DIAPH1: variants seen among roughly 807,000 people sequenced by gnomAD.
DIAPH1 encodes the protein diaphanous related formin 1.
A neutral mutation model predicts 140.7 loss-of-function variants in DIAPH1; 46 were observed. The ratio of observed to expected loss-of-function variants is 0.33; its 90% CI spans 0.26 to 0.42. The LOEUF (loss-of-function observed/expected upper bound fraction) is 0.42, where lower values mean the gene tolerates loss of function less well. Ranked by LOEUF, DIAPH1 falls within the 10% of genes least tolerant of loss-of-function variation. The probability of loss-of-function intolerance (pLI) is 1.00; values close to 1 mark genes in which losing one functional copy is unlikely to be tolerated. For missense variants in DIAPH1, 1,310 were observed against 1,558.7 expected, an observed-to-expected ratio of 0.84 and a Z score of 2.69; for synonymous variants, 565 against 551.6, an observed-to-expected ratio of 1.02 and a Z score of -0.34.
rs999583337 is a variant in DIAPH1, at chr5:141,579,172, C to T, written c.849G>A (p.Met283Ile). 3 of 1,614,052 alleles carry T rather than the reference C, an allele frequency of 1.9e-6. No individual in the cohort carries two copies. Among genetic ancestry groups the T allele is most frequent in the African/African-American group, 2.7e-5 (2 of 74,934 alleles). ...EDMNERVLEA[M>I]TERAEMDEVE... ...CTTCATCCATCTCAGCTCTTTCTGTCATTGCCTCCAAAACCCTTTCATTCC... is the reference window on the plus strand; with the variant it reads ...CTTCATCCATCTCAGCTCTTTCTGTTATTGCCTCCAAAACCCTTTCATTCC... The change falls in exon 9 of 28, where the codon ATG becomes ATA. Residue 283 changes from methionine to isoleucine, a missense_variant. Physicochemically the swap from Met to Ile is conservative, Grantham distance 10 (BLOSUM62 1). Coordinates refer to ENST00000389054, the MANE Select transcript of DIAPH1 (RefSeq NM_005219.5).
chr5:141,607,445 C>T (rs1166818389), intron 1 of DIAPH1, among the ~76,000 whole-genome samples: 1 of 152,164 alleles, frequency 6.6e-6, no homozygotes, highest in African/African-American at 2.4e-5. Flanking sequence ...ATCTACGTAG[C>T]GGAAATAACT....
intron 1 of DIAPH1, among the ~76,000 whole-genome samples, chr5:141,615,463 C>T (rs1316764771): frequency 1.3e-5 from 2 of 149,392 alleles, no homozygotes; most frequent in South Asian, 2.1e-4. Flanking sequence ...AAAAAAGGGC[C>T]GCACGCGGTG....
rs71583653 is a variant in DIAPH1 at position 141,574,008 on chromosome 5, A to C, written c.1842T>G (p.Pro614=). 2 of 1,550,808 alleles carry C rather than the reference A, an allele frequency of 1.3e-6. No homozygotes were observed. The highest frequency in any genetic ancestry group is 1.7e-6 in the Non-Finnish European group (2 of 1,147,788). The stretch of plus-strand genomic sequence containing the variant: ...CAGGCAAAGGAGGTGGAGGAGGAGG[A>C]GGAGGAGGAGGAGGAGGAGGAGTGG... The part of the protein sequence containing the change: ...DSTTPPPPPP[P]PPPPPPLPGG... The change falls in exon 16 of 28, where the codon CCT becomes CCG. Residue 614 remains proline, a synonymous_variant. Coordinates refer to ENST00000389054, the MANE Select transcript of DIAPH1 (RefSeq NM_005219.5).
At chr5:141,562,401 T>C (rs1430822769) in intron 18 of DIAPH1, among the ~76,000 whole-genome samples, 2 of 152,180 alleles carry the variant, frequency 1.3e-5, no homozygotes, top group Non-Finnish European at 2.9e-5. Flanking sequence ...AGATAGTATG[T>C]TCCTTGTTTT....
intron 9 of DIAPH1, 33 bp downstream of exon 9, chr5:141,579,055 A>G (rs772634479): frequency 4.7e-5 from 71 of 1,498,522 alleles, no homozygotes; most frequent in South Asian, 1.4e-4. Context: ...CTTGAATTCT[A>G]TTCTTGGGCC....
intron 27 of DIAPH1, chr5:141,518,740 C>G: frequency 1.6e-6 from 1 of 615,794 alleles, no homozygotes; most frequent in Non-Finnish European, 2.9e-6. Context: ...CTAGGCTGGT[C>G]TTGAACTCCT....
At chr5:141,548,063 G>A (rs1021216010) in intron 18 of DIAPH1, among the ~76,000 whole-genome samples, 1 of 152,078 alleles carries the variant, frequency 6.6e-6, no homozygotes, top group African/African-American at 2.4e-5. Flanking sequence ...GCTGGATGCG[G>A]TGGTGCACGC....
At position 141,573,727 on chromosome 5, in the gene DIAPH1, G is replaced by A; in HGVS notation, c.2123C>T (p.Pro708Leu). The A allele has an allele frequency of 6.4e-7, 1 of 1,561,716 alleles. No individual in the cohort carries two copies. Among genetic ancestry groups the A allele is most frequent in the Non-Finnish European group, 8.7e-7 (1 of 1,149,348 alleles). Residue 708 changes from proline to leucine, a missense_variant, in exon 16 of 28, where the codon CCT becomes CTT. Coordinates refer to ENST00000389054, the MANE Select transcript of DIAPH1 (RefSeq NM_005219.5). The stretch of plus-strand genomic sequence containing the variant: ...AGGAGGTGGCATTCCTGCTTCTCCA[G>A]GCAAGGGAGGAGGTGGGGGGGGAAT... ...AGIPPPPPPL[P>L]GEAGMPPPPP... is the part of the protein sequence containing the mutation.
chr5:141,576,728 G>C, intron 13 of DIAPH1, 28 bp downstream of exon 13: 1 of 1,403,440 alleles, frequency 7.1e-7, no homozygotes, highest in Non-Finnish European at 1.0e-6. Flanking sequence ...GCAATACTTG[G>C]AGGAGCCAGA....
intron 27 of DIAPH1, 53 bp downstream of exon 27, chr5:141,524,090 A>G: frequency 6.8e-7 from 1 of 1,478,418 alleles, no homozygotes; most frequent in Non-Finnish European, 9.5e-7. Context: ...TGGCAGGAGT[A>G]GAGAGCCCTC....
At chr5:141,542,562 T>C (rs372854597) in intron 18 of DIAPH1, among the ~76,000 whole-genome samples, 15 of 152,292 alleles carry the variant, frequency 9.8e-5, no homozygotes, top group African/African-American at 3.6e-4. Context: ...TGTGGAGAAT[T>C]CTCAAAAACA....
At chr5:141,577,341 T>C in intron 12 of DIAPH1, 134 bp downstream of exon 12, 1 of 760,602 alleles carries the variant, frequency 1.3e-6, no homozygotes, top group South Asian at 1.4e-5. Flanking sequence ...TTCCTTTATA[T>C]CGGTGACTAA....
intron 18 of DIAPH1, among the ~76,000 whole-genome samples, chr5:141,556,184 TA>T (rs2099892546): frequency 6.6e-6 from 1 of 152,176 alleles, no homozygotes; most frequent in Admixed American, 6.5e-5. Flanking sequence ...CCTGAAGCCA[TA>T]AAGGACTTTT....
rs2099885607 is a variant in DIAPH1, at chr5:141,515,897, G to A, written c.*954C>T. 6.6e-6 allele frequency: 1 copy of A among 152,454 alleles called. No individual in the cohort carries two copies. The highest frequency in any genetic ancestry group is 1.5e-5 in the Non-Finnish European group (1 of 68,152). The allele number at this position is 152,454 out of a possible 1,614,324, so 9.4% of individuals were successfully genotyped here. A position where few individuals can be genotyped will look rare whatever the true frequency, so the allele number is the denominator to read the frequency against. On this transcript the variant is annotated 3_prime_UTR_variant, in exon 28 of 28. Transcript: ENST00000389054. The stretch of plus-strand genomic sequence containing the variant: ...TACATTATGGAGGGGAAAGGGGGAA[G>A]GAACAGTTTTCTTTAAAAAAATTTT...
rs761652580 is a variant in DIAPH1 at position 141,580,791 on chromosome 5, T to C, written c.777A>G (p.Ala259=). 3 of 1,614,216 alleles carry C rather than the reference T, an allele frequency of 1.9e-6. No homozygotes were observed. The highest frequency in any genetic ancestry group is 2.5e-6 in the Non-Finnish European group (3 of 1,180,028). ...DPAVPNMMID[A]AKLLSALCIL... Reference sequence around the variant, plus strand: ...TACAAAGAGCAGAAAGCAGCTTAGCTGCATCAATCATCATGTTGGGAACAG... The same window carrying C: ...TACAAAGAGCAGAAAGCAGCTTAGCCGCATCAATCATCATGTTGGGAACAG... The change falls in exon 8 of 28, where the codon GCA becomes GCG. Residue 259 remains alanine, a synonymous_variant. Transcript: ENST00000389054.
chr5:141,592,776 T>C (rs1032421227), intron 1 of DIAPH1, among the ~76,000 whole-genome samples: 1 of 152,158 alleles, frequency 6.6e-6, no homozygotes, highest in Non-Finnish European at 1.5e-5. Flanking sequence ...TTAGCACTTA[T>C]ACCTTTAACT....
At chr5:141,540,034 T>A (rs2099889732) in intron 18 of DIAPH1, among the ~76,000 whole-genome samples, 1 of 152,042 alleles carries the variant, frequency 6.6e-6, no homozygotes, top group Non-Finnish European at 1.5e-5. Flanking sequence ...TTTGAGATCA[T>A]TCTTCTTCCT....
chr5:141,538,491 TA>T (rs1366846523), intron 18 of DIAPH1, among the ~76,000 whole-genome samples: 2 of 152,090 alleles, frequency 1.3e-5, no homozygotes, highest in African/African-American at 4.8e-5. Context: ...TAACTGGGAT[TA>T]TAGGTACCCA....
At position 141,529,052 on chromosome 5, in the gene DIAPH1, G is replaced by A. The variant is rs1015764923; in HGVS notation, c.2779-111C>T. The A allele has an allele frequency of 3.2e-6, 5 of 1,579,068 alleles. No homozygotes were observed. In the Admixed American group the frequency reaches 6.7e-5, roughly 21 times the overall value. ...TCACAGCTCCAGAGCAGGGAGAAGA[G>A]AGAGATTAAGACAGGTTCAAAAACA... On this transcript the variant is annotated intron_variant, in intron 21 of 27. Coordinates refer to ENST00000389054, the MANE Select transcript of DIAPH1 (RefSeq NM_005219.5).
Sources: gnomAD v4.1 joint callset for allele counts (sites outside exome capture counted in the v4.1 genomes callset) on GRCh38, gnomAD v4.1.1 for gene constraint, MANE v1.5 for transcripts, NCBI Gene and HGNC (gene_info 2026-07-23, HGNC 2026-07-21) for gene names.